HDAC9: variants seen among roughly 807,000 people sequenced by gnomAD.
HDAC9 encodes the protein histone deacetylase 9.
In HDAC9, 41 loss-of-function variants were observed where a neutral mutation model predicts 139.4. The observed-to-expected ratio is 0.29, with a 90% CI of 0.23 to 0.38. The LOEUF (loss-of-function observed/expected upper bound fraction) is 0.38. Ranked by LOEUF, HDAC9 falls within the 10% of genes least tolerant of loss-of-function variation. HDAC9 has a pLI of 1.00. For missense variants in HDAC9, 1,147 were observed against 1,297.0 expected (o/e 0.88, Z 1.78); for synonymous variants, 517 against 476.2 (o/e 1.09, Z -1.12).
intron 19 of HDAC9, among the ~76,000 whole-genome samples, chr7:18,830,084 G>C (rs956912175): frequency 6.6e-6 from 1 of 152,182 alleles, no homozygotes; most frequent in African/African-American, 2.4e-5. Context: ...AGAGGCACTA[G>C]ATTAGTCTTG....
At chr7:18,910,382 A>C (rs1312500316) in intron 22 of HDAC9, among the ~76,000 whole-genome samples, 7 of 151,912 alleles carry the variant, frequency 4.6e-5, no homozygotes, top group Admixed American at 1.3e-4. Flanking sequence ...AAGATTACTG[A>C]TTTTTTGTAG....
intron 2 of HDAC9, among the ~76,000 whole-genome samples, chr7:18,528,148 T>C (rs1026460784): frequency 6.6e-6 from 1 of 151,194 alleles, no homozygotes; most frequent in Non-Finnish European, 1.5e-5. Context: ...AAAATAAAAA[T>C]AAAAATAAAA....
chr7:18,176,209 G>C (rs531220088), intron 2 of HDAC9, among the ~76,000 whole-genome samples: 1 of 152,084 alleles, frequency 6.6e-6, no homozygotes, highest in African/African-American at 2.4e-5. Context: ...ACAGTTTTTC[G>C]GTCTGCTGTT....
chr7:18,570,482 T>G (rs1220396944), intron 2 of HDAC9, among the ~76,000 whole-genome samples: 1 of 152,224 alleles, frequency 6.6e-6, no homozygotes, highest in Non-Finnish European at 1.5e-5. Context: ...TAACAAAAAC[T>G]TTTCAGTCTC....
At chr7:18,533,794 A>G (rs1255241183) in intron 2 of HDAC9, among the ~76,000 whole-genome samples, 2 of 152,030 alleles carry the variant, frequency 1.3e-5, no homozygotes, top group Non-Finnish European at 2.9e-5. Context: ...TGCAGTTCTT[A>G]CTAGTTCAGT....
intron 1 of HDAC9, among the ~76,000 whole-genome samples, chr7:18,315,955 T>G (rs1031658353): frequency 6.6e-6 from 1 of 152,332 alleles, no homozygotes; most frequent in South Asian, 2.1e-4. Context: ...ACTACTGAGT[T>G]TTATTTCTTC....
intron 1 of HDAC9, among the ~76,000 whole-genome samples, chr7:18,154,092 G>T (rs1364519518): frequency 1.3e-5 from 2 of 151,946 alleles, no homozygotes; most frequent in South Asian, 2.1e-4. Flanking sequence ...CAATATCCGG[G>T]GAATAGACTT....
At position 18,135,210 on chromosome 7, in the gene HDAC9, A is replaced by T. The variant is rs1785300049; in HGVS notation, c.-96-27019A>T. 3.3e-5 allele frequency among the ~76,000 whole-genome samples: 5 copies of T among 151,996 alleles called. No homozygotes were observed. In the South Asian group the frequency reaches 6.2e-4, roughly 19 times the overall value. On this transcript the variant is annotated intron_variant, in intron 1 of 12. Coordinates refer to the HDAC9 transcript ENST00000417496. Reference sequence around the variant, plus strand: ...TCTTACTATTTTGACAAAAATACAAAATCCTCTTAGGAAGATAATTGTGTT... The same window carrying T: ...TCTTACTATTTTGACAAAAATACAATATCCTCTTAGGAAGATAATTGTGTT...
At chr7:18,238,976 C>T (rs898640674) in intron 2 of HDAC9, among the ~76,000 whole-genome samples, 1 of 152,102 alleles carries the variant, frequency 6.6e-6, no homozygotes, top group Non-Finnish European at 1.5e-5. Context: ...AAGTTGTTTT[C>T]CCCATAATTT....
intron 1 of HDAC9, among the ~76,000 whole-genome samples, chr7:18,138,878 T>A (rs1484030041): frequency 6.6e-6 from 1 of 152,120 alleles, no homozygotes; most frequent in African/African-American, 2.4e-5. Context: ...TTATTATACC[T>A]TCCTGGCACT....
intron 2 of HDAC9, among the ~76,000 whole-genome samples, chr7:18,180,596 T>G (rs1789344858): frequency 6.6e-6 from 1 of 152,078 alleles, no homozygotes; most frequent in South Asian, 2.1e-4. Flanking sequence ...TTGGAAAGAA[T>G]AAGAATACCA....
intron 21 of HDAC9, among the ~76,000 whole-genome samples, chr7:18,869,668 G>A (rs997201605): frequency 5.3e-5 from 8 of 152,148 alleles, no homozygotes; most frequent in Non-Finnish European, 7.4e-5. Flanking sequence ...AGGACACCCA[G>A]CAGACATCCA....
chr7:18,188,700 C>T (rs1027767553), intron 2 of HDAC9, among the ~76,000 whole-genome samples: 3 of 152,194 alleles, frequency 2.0e-5, no homozygotes, highest in Non-Finnish European at 4.4e-5. Flanking sequence ...ACAGACGCTT[C>T]TCAAAAGAAG....
intron 12 of HDAC9, among the ~76,000 whole-genome samples, chr7:18,700,901 C>G (rs1783421319): frequency 6.6e-6 from 1 of 152,108 alleles, no homozygotes; most frequent in Non-Finnish European, 1.5e-5. Flanking sequence ...TTGGTCAAAT[C>G]ACATCCCACG....
chr7:18,731,195 C>T (rs979869771), intron 13 of HDAC9, among the ~76,000 whole-genome samples: 1 of 151,926 alleles, frequency 6.6e-6, no homozygotes, highest in African/African-American at 2.4e-5. Flanking sequence ...ATAGTTGAAA[C>T]TGTAGAAAGA....
intron 22 of HDAC9, among the ~76,000 whole-genome samples, chr7:18,891,814 G>A (rs1196423614): frequency 2.0e-5 from 3 of 152,186 alleles, no homozygotes; most frequent in South Asian, 4.2e-4. Flanking sequence ...TTCCACATAG[G>A]ACACATAGGA....
intron 1 of HDAC9, among the ~76,000 whole-genome samples, chr7:18,435,748 T>G (rs1427217079): frequency 1.3e-5 from 2 of 151,754 alleles, no homozygotes; most frequent in Non-Finnish European, 1.5e-5. Flanking sequence ...CTTCTTATTT[T>G]CAATCACAAA....
At chr7:18,379,703 GTTC>G (rs1785269727) in intron 1 of HDAC9, among the ~76,000 whole-genome samples, 1 of 152,092 alleles carries the variant, frequency 6.6e-6, no homozygotes, top group African/African-American at 2.4e-5. Flanking sequence ...CCCAGTATTT[GTTC>G]TTCTGTTTTA....
At chr7:18,541,222 T>G (rs1222591475) in intron 2 of HDAC9, among the ~76,000 whole-genome samples, 1 of 135,914 alleles carries the variant, frequency 7.4e-6, no homozygotes, top group Non-Finnish European at 1.5e-5. Flanking sequence ...GCAGATAGCC[T>G]TTGCCATGCC....
Sources: gnomAD v4.1 joint callset for allele counts (sites outside exome capture counted in the v4.1 genomes callset) on GRCh38, gnomAD v4.1.1 for gene constraint, MANE v1.5 for transcripts, NCBI Gene and HGNC (gene_info 2026-07-23, HGNC 2026-07-21) for gene names.